NFIB: variants seen among roughly 807,000 people sequenced by gnomAD.
NFIB encodes nuclear factor 1 B-type.
In NFIB, 11 loss-of-function variants were observed where a neutral mutation model predicts 61.5. The ratio of observed to expected loss-of-function variants is 0.18; its 90% CI spans 0.11 to 0.30. The LOEUF is 0.30. NFIB is among the 10% of genes least tolerant of loss of function. NFIB has a pLI of 1.00. For synonymous variants in NFIB, 260 were observed against 216.5 expected, an observed-to-expected ratio of 1.20 and a Z score of -1.76; for missense variants, 471 against 608.9, an observed-to-expected ratio of 0.77 and a Z score of 2.38.
At chr9:14,490,857 T>C in the NFIB span, among the ~76,000 whole-genome samples, 1 of 152,220 alleles carries the variant, frequency 6.6e-6, no homozygotes, top group Admixed American at 6.5e-5. Context: ...GAGATTATCA[T>C]TCACAATACT....
chr9:14,375,572 C>T (rs541145157), intron 1 of NFIB, among the ~76,000 whole-genome samples: 13 of 152,162 alleles, frequency 8.5e-5, no homozygotes, highest in South Asian at 4.2e-4. Flanking sequence ...GCAGAAGAAT[C>T]GCTTGAAACC....
intron 2 of NFIB, among the ~76,000 whole-genome samples, chr9:14,204,030 A>C (rs1173199646): frequency 6.6e-6 from 1 of 152,218 alleles, no homozygotes; most frequent in Non-Finnish European, 1.5e-5. Context: ...TTGCAATGGC[A>C]TGATTTTGAC....
At chr9:14,241,944 G>A (rs1042362064) in intron 2 of NFIB, among the ~76,000 whole-genome samples, 2 of 152,012 alleles carry the variant, frequency 1.3e-5, no homozygotes, top group African/African-American at 4.8e-5. Context: ...ACAAGAAATG[G>A]TCATTTATAA....
chr9:14,258,019 T>C (rs868449301), intron 2 of NFIB, among the ~76,000 whole-genome samples: 3 of 152,234 alleles, frequency 2.0e-5, no homozygotes, highest in Non-Finnish European at 2.9e-5. Context: ...TTCCCCCATA[T>C]TTATGTTTTT....
chr9:14,228,564 T>C (rs2052734664), intron 2 of NFIB, among the ~76,000 whole-genome samples: 1 of 152,204 alleles, frequency 6.6e-6, no homozygotes, highest in African/African-American at 2.4e-5. Flanking sequence ...TCCATTTTAG[T>C]GGTCAAAACA....
At chr9:14,459,313 T>C in the NFIB span, among the ~76,000 whole-genome samples, 1 of 152,192 alleles carries the variant, frequency 6.6e-6, no homozygotes, top group South Asian at 2.1e-4. Flanking sequence ...TGGCTAGCCA[T>C]ATGTAGAAAG....
At chr9:14,510,185 C>T in the NFIB span, among the ~76,000 whole-genome samples, 43,247 of 152,174 alleles carry the variant, frequency 0.28, 6,437 homozygotes, top group Middle Eastern at 0.41. Flanking sequence ...CGTGAGCCAC[C>T]GTGCCCGGCC....
At chr9:14,113,363 G>GGAGGTACT (rs1469016060) in intron 9 of NFIB, among the ~76,000 whole-genome samples, 3 of 152,126 alleles carry the variant, frequency 2.0e-5, no homozygotes, top group Admixed American at 6.5e-5. Context: ...ACTGTCCTGT[G>GGAGGTACT]GAGGTACTAA....
At chr9:14,342,931 C>T (rs1041105513) in intron 1 of NFIB, among the ~76,000 whole-genome samples, 1 of 151,968 alleles carries the variant, frequency 6.6e-6, no homozygotes, top group Non-Finnish European at 1.5e-5. Flanking sequence ...TTCAGAGTTG[C>T]CCCTTATGTT....
At chr9:14,232,174 A>G (rs560690266) in intron 2 of NFIB, among the ~76,000 whole-genome samples, 2 of 152,328 alleles carry the variant, frequency 1.3e-5, no homozygotes, top group South Asian at 2.1e-4. Flanking sequence ...AAATGGGTTC[A>G]TGGATGTTAG....
At chr9:14,395,882 G>C (rs941784669) in intron 1 of NFIB, among the ~76,000 whole-genome samples, 3 of 151,298 alleles carry the variant, frequency 2.0e-5, no homozygotes, top group South Asian at 2.1e-4. Context: ...GGAGTGTTCA[G>C]TTGAGGCTGG....
At chr9:14,268,164 G>A (rs1817301302) in intron 2 of NFIB, among the ~76,000 whole-genome samples, 2 of 151,446 alleles carry the variant, frequency 1.3e-5, no homozygotes, top group South Asian at 4.2e-4. Flanking sequence ...AAAATATGGA[G>A]AAGACAAAGA....
rs372224928 is a variant in NFIB, at chr9:14,115,500, G to A, written c.1384+708C>T. Among the ~76,000 whole-genome samples, 5 of 152,084 alleles carry A rather than the reference G, an allele frequency of 3.3e-5. No individual in the cohort carries two copies. The East Asian group carries it at 5.8e-4, about 18-fold the overall frequency. On this transcript the variant is annotated intron_variant, in intron 9 of 10. Coordinates refer to ENST00000380953, the MANE Select transcript of NFIB (RefSeq NM_001190737.2). ...ACATGAAAAAACAAAGGAATGATGC[G>A]GCTTATTGGTACGTGTTAGGAAGGT...
At chr9:14,322,076 TAAAAAAAAAAAA>T (rs3081606) in intron 1 of NFIB, 735 of 1,110,362 alleles carry the variant, frequency 6.6e-4, no homozygotes, top group East Asian at 2.3e-3. Flanking sequence ...TGTGTTTAGT[TAAAAAAAAAAAA>T]AAAAAAAAAA....
intron 10 of NFIB, among the ~76,000 whole-genome samples, chr9:14,098,957 G>A (rs747852230): frequency 2.0e-5 from 3 of 152,184 alleles, no homozygotes; most frequent in Admixed American, 1.3e-4. Context: ...TTGGGGTTGC[G>A]GGTGGATGGA....
chr9:14,221,954 G>C (rs753699904), intron 2 of NFIB, among the ~76,000 whole-genome samples: 6 of 152,164 alleles, frequency 3.9e-5, no homozygotes, highest in Admixed American at 2.0e-4. Context: ...TTAAGAGAAA[G>C]CATGAAGAGC....
chr9:14,514,173 C>G, the NFIB span, among the ~76,000 whole-genome samples: 2 of 152,232 alleles, frequency 1.3e-5, no homozygotes, highest in African/African-American at 4.8e-5. Context: ...TTACACATTT[C>G]TGTTTGTTTT....
At chr9:14,526,375 C>A in the NFIB span, among the ~76,000 whole-genome samples, 1 of 152,140 alleles carries the variant, frequency 6.6e-6, no homozygotes. Flanking sequence ...TCATAACGAA[C>A]ATTTCCTGAG....
intron 6 of NFIB, among the ~76,000 whole-genome samples, chr9:14,129,413 A>C (rs1318631973): frequency 1.4e-5 from 2 of 147,932 alleles, no homozygotes; most frequent in African/African-American, 2.5e-5. Flanking sequence ...ACAAAAAAAC[A>C]AAAAAAAAAC....
Sources: allele counts gnomAD v4.1 joint callset (sites outside exome capture counted in the v4.1 genomes callset), GRCh38; gene constraint gnomAD v4.1.1; transcripts MANE v1.5; gene names NCBI Gene and HGNC (gene_info 2026-07-23, HGNC 2026-07-21).